Variants in C7 observed in about 807,000 individuals in gnomAD.
C7 encodes the protein complement component C7.
Under a neutral mutation model 104.8 loss-of-function variants are expected in C7, and 83 were observed. The ratio of observed to expected loss-of-function variants is 0.79; its 90% CI spans 0.66 to 0.95. The LOEUF (loss-of-function observed/expected upper bound fraction) is 0.95. C7 is among the 40% of genes least tolerant of loss of function. C7 has a pLI of 0.00. For missense variants in C7, 1,070 were observed against 1,011.2 expected, an observed-to-expected ratio of 1.06 and a Z score of -0.79; for synonymous variants, 415 against 360.6, an observed-to-expected ratio of 1.15 and a Z score of -1.71.
intron 14 of C7, among the ~76,000 whole-genome samples, chr5:40,966,765 T>C (rs925405833): frequency 2.0e-5 from 3 of 152,174 alleles, no homozygotes; most frequent in African/African-American, 7.2e-5. Context: ...ATTAATTAAT[T>C]CCTTTTTATG....
chr5:40,954,574 T>TC (rs1422056166), intron 9 of C7, among the ~76,000 whole-genome samples: 1 of 152,100 alleles, frequency 6.6e-6, no homozygotes, highest in Non-Finnish European at 1.5e-5. Flanking sequence ...GAGTTGTTTT[T>TC]CTTTTTTAAA....
At chr5:40,912,045 G>A (rs1423933695) in intron 1 of C7, among the ~76,000 whole-genome samples, 3 of 152,022 alleles carry the variant, frequency 2.0e-5, no homozygotes, top group Non-Finnish European at 4.4e-5. Context: ...ACCACGCCCG[G>A]CCCCACATAC....
chr5:40,965,082 T>C (rs1280696871), intron 14 of C7, among the ~76,000 whole-genome samples: 1 of 152,220 alleles, frequency 6.6e-6, no homozygotes, highest in Non-Finnish European at 1.5e-5. Flanking sequence ...GTCAATTTCA[T>C]TGCAATTTAA....
intron 5 of C7, among the ~76,000 whole-genome samples, chr5:40,936,931 C>T (rs1311072530): frequency 6.6e-6 from 1 of 152,036 alleles, no homozygotes; most frequent in Admixed American, 6.6e-5. Context: ...CAGCAATTGT[C>T]TAAACTAGCC....
chr5:40,960,321 G>A (rs1323452058), intron 12 of C7, among the ~76,000 whole-genome samples: 1 of 152,134 alleles, frequency 6.6e-6, no homozygotes, highest in East Asian at 1.9e-4. Flanking sequence ...TAATTTGAAG[G>A]TCATGTGAGT....
intron 10 of C7, among the ~76,000 whole-genome samples, chr5:40,955,918 A>T (rs12517093): frequency 1.8e-4 from 27 of 152,172 alleles, no homozygotes; most frequent in Admixed American, 1.7e-3. Context: ...TGTTCCTATC[A>T]CCTTTCTTTG....
chr5:40,928,368 CA>C (rs1430377596), intron 1 of C7, among the ~76,000 whole-genome samples: 1 of 151,994 alleles, frequency 6.6e-6, no homozygotes, highest in Non-Finnish European at 1.5e-5. Context: ...TCAAAATTGC[CA>C]AAAGTAAATT....
chr5:40,971,052 G>A (rs909303224), intron 14 of C7, among the ~76,000 whole-genome samples: 1 of 152,190 alleles, frequency 6.6e-6, no homozygotes, highest in Non-Finnish European at 1.5e-5. Context: ...ACATACGTGT[G>A]CATGTGTCTT....
intron 16 of C7, among the ~76,000 whole-genome samples, chr5:40,979,373 T>G (rs984680436): frequency 3.7e-4 from 56 of 152,172 alleles, no homozygotes; most frequent in African/African-American, 1.3e-3. Flanking sequence ...TCACATTGAA[T>G]GCTTGGTCTC....
At chr5:40,910,190 CCAAAT>C (rs1739178113) in intron 1 of C7, among the ~76,000 whole-genome samples, 2 of 151,116 alleles carry the variant, frequency 1.3e-5, no homozygotes, top group Admixed American at 6.6e-5. Flanking sequence ...TGCAAAAAGG[CCAAAT>C]ATTAAAAAAC....
chr5:40,945,171 T>C (rs945795583), intron 6 of C7, 27 bp from the exon 7 acceptor site: 4 of 1,267,012 alleles, frequency 3.2e-6, no homozygotes, highest in African/African-American at 3.1e-5. Context: ...AATTTAGTCA[T>C]AGCAAAATTT....
In C7 at chr5:40,923,780, G is replaced by A. The variant is rs139118627; in HGVS notation, c.7-4800G>A. On this transcript the variant is annotated intron_variant, in intron 1 of 17. Transcript: ENST00000313164. ...AAAAAGTATGCGAGAGGGGGAAAAT[G>A]TCATGCACTTTAAAACAATCAGATC... 2.0e-5 allele frequency among the ~76,000 whole-genome samples: 3 copies of A among 151,796 alleles called. No individual in the cohort carries two copies. In the East Asian group the frequency reaches 5.8e-4, roughly 29 times the overall value.
intron 1 of C7, among the ~76,000 whole-genome samples, chr5:40,925,310 G>T (rs1214066084): frequency 6.6e-6 from 1 of 152,024 alleles, no homozygotes; most frequent in Non-Finnish European, 1.5e-5. Flanking sequence ...TAAACAGAGT[G>T]CAGCCAAGTT....
chr5:40,965,441 CTAT>C (rs1340414498), intron 14 of C7, among the ~76,000 whole-genome samples: 3 of 151,956 alleles, frequency 2.0e-5, no homozygotes, highest in African/African-American at 7.3e-5. Context: ...GGGAATATAC[CTAT>C]TGTGAAATTT....
At chr5:40,925,412 G>A (rs1316283141) in intron 1 of C7, among the ~76,000 whole-genome samples, 3 of 152,146 alleles carry the variant, frequency 2.0e-5, no homozygotes, top group Non-Finnish European at 2.9e-5. Context: ...ACTTCACTGT[G>A]CCTATCACTA....
intron 7 of C7, 78 bp downstream of exon 7, chr5:40,945,446 C>T: frequency 1.1e-6 from 1 of 930,744 alleles, no homozygotes; most frequent in Non-Finnish European, 1.6e-6. Flanking sequence ...TTGTATTTAT[C>T]AAAAGGATCA....
chr5:40,959,442 C>T lies in C7; in HGVS notation c.1490-7C>T, dbSNP rs1225479717. ...ACTTATTGATCAACCTCTTTCTCAT[C>T]TTGTAGGAGGGGTTGATGGAGGTTG... On this transcript the variant is annotated splice_polypyrimidine_tract_variant and splice_region_variant and intron_variant, in intron 11 of 17. Coordinates refer to ENST00000313164, the MANE Select transcript of C7 (RefSeq NM_000587.4). 2 of 1,607,648 alleles carry T rather than the reference C, an allele frequency of 1.2e-6. No homozygotes were observed. The highest frequency in any genetic ancestry group is 1.7e-6 in the Non-Finnish European group (2 of 1,177,674).
At chr5:40,918,343 G>C (rs1739361234) in intron 1 of C7, among the ~76,000 whole-genome samples, 1 of 151,926 alleles carries the variant, frequency 6.6e-6, no homozygotes, top group African/African-American at 2.4e-5. Flanking sequence ...CTGGGCAAGA[G>C]AGGCCCTATC....
At chr5:40,928,795 G>A (rs1171884477) in intron 2 of C7, among the ~76,000 whole-genome samples, 160 bp downstream of exon 2, 2 of 151,956 alleles carry the variant, frequency 1.3e-5, no homozygotes, top group Non-Finnish European at 2.9e-5. Context: ...AAAAGCATGT[G>A]TTTTTAATTA....
Sources: allele counts gnomAD v4.1 joint callset (sites outside exome capture counted in the v4.1 genomes callset), GRCh38; gene constraint gnomAD v4.1.1; transcripts MANE v1.5; gene names NCBI Gene and HGNC (gene_info 2026-07-23, HGNC 2026-07-21).